The following CYB5B variants were observed in gnomAD, a reference collection of about 807,000 sequenced individuals.
CYB5B encodes cytochrome b5 type B.
Under a neutral mutation model 21.3 loss-of-function variants are expected in CYB5B, and 14 were observed. That is an observed-to-expected ratio of 0.66 (90% confidence interval 0.43 to 1.03). The LOEUF is 1.03. Ranked by LOEUF, CYB5B falls within the 50% of genes least tolerant of loss-of-function variation. The pLI, the probability that CYB5B is intolerant of heterozygous loss-of-function variation, is 0.00. For missense variants in CYB5B, 166 were observed against 185.1 expected, an observed-to-expected ratio of 0.90 and a Z score of 0.60; for synonymous variants, 69 against 68.4, an observed-to-expected ratio of 1.01 and a Z score of -0.04.
chr16:69,435,316 T>G (rs2014749528), intron 1 of CYB5B, among the ~76,000 whole-genome samples: 1 of 152,214 alleles, frequency 6.6e-6, no homozygotes, highest in Non-Finnish European at 1.5e-5. Context: ...TATTTTTGTT[T>G]TTAATACAAA....
At chr16:69,461,211 A>AC (rs1470048423) in intron 4 of CYB5B, among the ~76,000 whole-genome samples, 3 of 152,018 alleles carry the variant, frequency 2.0e-5, no homozygotes, top group Non-Finnish European at 4.4e-5. Context: ...TCAAAAAAAA[A>AC]AAAAAGAAAG....
chr16:69,432,298 A>G (rs1426980748), intron 1 of CYB5B, among the ~76,000 whole-genome samples: 1 of 152,234 alleles, frequency 6.6e-6, no homozygotes, highest in Non-Finnish European at 1.5e-5. Context: ...TGTGAAAGTG[A>G]TATGTGAGTA....
intron 4 of CYB5B, among the ~76,000 whole-genome samples, chr16:69,461,419 A>T (rs1567476650): frequency 1.3e-5 from 2 of 152,264 alleles, no homozygotes; most frequent in East Asian, 3.9e-4. Context: ...TGATATTCTA[A>T]ACTAGTCCAG....
At chr16:69,441,717 G>A (rs7193341) in intron 1 of CYB5B, among the ~76,000 whole-genome samples, 26,368 of 152,008 alleles carry the variant, frequency 0.17, 2,403 homozygotes, top group Middle Eastern at 0.25. Flanking sequence ...GGGGTTTTTA[G>A]TTCAACTGAC....
At chr16:69,458,942 A>G in intron 3 of CYB5B, 151 bp from the exon 4 acceptor site, 1 of 626,162 alleles carries the variant, frequency 1.6e-6, no homozygotes, top group Non-Finnish European at 2.6e-6. Flanking sequence ...TCCATTGCTT[A>G]TATATTTGTA....
intron 1 of CYB5B, among the ~76,000 whole-genome samples, chr16:69,431,724 A>G (rs1420271197): frequency 6.6e-6 from 1 of 152,180 alleles, no homozygotes; most frequent in East Asian, 1.9e-4. Flanking sequence ...GTGAGCCGAG[A>G]TAGCACTACT....
chr16:69,426,747 AT>A (rs71384002), intron 1 of CYB5B, among the ~76,000 whole-genome samples: 137 of 140,008 alleles, frequency 9.8e-4, no homozygotes, highest in Middle Eastern at 3.6e-3. Context: ...GATAGTAGTG[AT>A]TTTTTTTTTT....
At chr16:69,452,645 G>A (rs1001949229) in intron 3 of CYB5B, among the ~76,000 whole-genome samples, 3 of 152,008 alleles carry the variant, frequency 2.0e-5, no homozygotes, top group African/African-American at 7.2e-5. Flanking sequence ...ACTCTAGTCT[G>A]GGTGACAGAA....
At chr16:69,456,523 T>G (rs1463378569) in intron 3 of CYB5B, among the ~76,000 whole-genome samples, 1 of 152,212 alleles carries the variant, frequency 6.6e-6, no homozygotes, top group African/African-American at 2.4e-5. Flanking sequence ...TGCATATTAA[T>G]TGCTTGGTAG....
intron 1 of CYB5B, 85 bp from the exon 2 acceptor site, chr16:69,447,057 TAAAGGGAG>T: frequency 3.5e-6 from 5 of 1,427,196 alleles, no homozygotes; most frequent in Non-Finnish European, 4.8e-6. Context: ...TTATTTCTAT[TAAAGGGAG>T]AAAGGAAGAA....
At chr16:69,432,197 A>G (rs778699417) in intron 1 of CYB5B, among the ~76,000 whole-genome samples, 6 of 152,204 alleles carry the variant, frequency 3.9e-5, no homozygotes. Context: ...AACCACTGAC[A>G]TGTTTGAAGA....
chr16:69,444,698 T>C (rs2014860362), intron 1 of CYB5B, among the ~76,000 whole-genome samples: 1 of 151,366 alleles, frequency 6.6e-6, no homozygotes, highest in South Asian at 2.1e-4. Flanking sequence ...CAAAACATTA[T>C]GTACTACATG....
Position 69,441,857 on chromosome 16 carries a change from T to C in CYB5B, c.175-5293T>C, listed in dbSNP as rs375007347. On this transcript the variant is annotated intron_variant, in intron 1 of 4. Coordinates refer to ENST00000307892, the MANE Select transcript of CYB5B (RefSeq NM_030579.3). Reference sequence around the variant, plus strand: ...GAAAGTTCCCTAGATGGGAAATAGATCTGGCAGTATGTCAGGGTCACTAAT... The same window carrying C: ...GAAAGTTCCCTAGATGGGAAATAGACCTGGCAGTATGTCAGGGTCACTAAT... Among the ~76,000 whole-genome samples the C allele has an allele frequency of 2.6e-5, 4 of 152,308 alleles. No individual in the cohort carries two copies. The South Asian group carries it at 6.2e-4, about 24-fold the overall frequency.
At chr16:69,446,695 A>G (rs1443747798) in intron 1 of CYB5B, among the ~76,000 whole-genome samples, 1 of 152,336 alleles carries the variant, frequency 6.6e-6, no homozygotes, top group East Asian at 1.9e-4. Flanking sequence ...AGAATTGCAT[A>G]TACCCTTTGC....
At chr16:69,455,327 C>T (rs557676124) in intron 3 of CYB5B, among the ~76,000 whole-genome samples, 18 of 151,782 alleles carry the variant, frequency 1.2e-4, no homozygotes, top group Admixed American at 7.9e-4. Context: ...CAAAGTTCAT[C>T]GTGAAATCCA....
At chr16:69,433,453 A>G (rs1329564176) in intron 1 of CYB5B, among the ~76,000 whole-genome samples, 1 of 152,168 alleles carries the variant, frequency 6.6e-6, no homozygotes, top group Non-Finnish European at 1.5e-5. Context: ...ATAACATACT[A>G]TGCACACTCA....
chr16:69,463,796 G>A lies in CYB5B; in HGVS notation c.*1276G>A, dbSNP rs1048182281. 1 of 152,052 alleles carries A rather than the reference G, an allele frequency of 6.6e-6. No individual in the cohort carries two copies. The highest frequency in any genetic ancestry group is 6.5e-5 in the Admixed American group (1 of 15,270). The allele number at this position is 152,052 out of a possible 1,614,324, so 9.4% of individuals were successfully genotyped here. A position where few individuals can be genotyped will look rare whatever the true frequency, so the allele number is the denominator to read the frequency against. ...TTTTCCATGAGAATAAAATACTGGC[G>A]GTTTTTTTCTCAGATGTGTGTTCAT... On this transcript the variant is annotated 3_prime_UTR_variant, in exon 5 of 5. Transcript: ENST00000307892.
intron 3 of CYB5B, 160 bp downstream of exon 3, chr16:69,448,304 G>A: frequency 1.4e-6 from 1 of 732,208 alleles, no homozygotes; most frequent in East Asian, 2.7e-5. Context: ...ATCATCTCAG[G>A]AATAAAAGAA....
chr16:69,433,305 A>G (rs886508674), intron 1 of CYB5B, among the ~76,000 whole-genome samples: 5 of 152,224 alleles, frequency 3.3e-5, no homozygotes, highest in Admixed American at 3.3e-4. Context: ...TCAAACAGGT[A>G]TATAGTAAAA....
Sources: gnomAD v4.1 joint callset for allele counts (sites outside exome capture counted in the v4.1 genomes callset) on GRCh38, gnomAD v4.1.1 for gene constraint, MANE v1.5 for transcripts, NCBI Gene and HGNC (gene_info 2026-07-23, HGNC 2026-07-21) for gene names.